Variants in LRRC4C observed in about 807,000 individuals in gnomAD.
LRRC4C encodes the protein leucine-rich repeat-containing protein 4C.
A neutral mutation model predicts 33.6 loss-of-function variants in LRRC4C; 5 were observed. That is an observed-to-expected ratio of 0.15 (90% CI 0.08 to 0.31). The LOEUF (loss-of-function observed/expected upper bound fraction) is 0.31, where lower values mean the gene tolerates loss of function less well. Ranked by LOEUF, LRRC4C falls within the 10% of genes least tolerant of loss-of-function variation. LRRC4C has a pLI of 1.00. For missense variants in LRRC4C, 560 were observed against 796.7 expected (o/e 0.70, Z 3.58); for synonymous variants, 329 against 302.0 (o/e 1.09, Z -0.93).
chr11:40,249,433 A>T (rs954350036), intron 4 of LRRC4C, among the ~76,000 whole-genome samples: 1 of 152,108 alleles, frequency 6.6e-6, no homozygotes, highest in Non-Finnish European at 1.5e-5. Context: ...CACTGAATTC[A>T]TACTTCATCC....
Position 40,821,702 on chromosome 11 carries a change from G to C in LRRC4C, c.-407+111933C>G, listed in dbSNP as rs1211565957. Among the ~76,000 whole-genome samples, 21 of 151,408 alleles carry C rather than the reference G, an allele frequency of 1.4e-4. No individual in the cohort carries two copies. The Admixed American group carries it at 1.4e-3, about 10-fold the overall frequency. On this transcript the variant is annotated intron_variant, in intron 2 of 6. Transcript: ENST00000528697. The stretch of plus-strand genomic sequence containing the variant: ...CACCAGCATTTTCAAACAAGATCAT[G>C]AAAAATAAGGAAAGACTAAAAAACT...
chr11:40,952,394 G>A (rs1958735412), intron 1 of LRRC4C, among the ~76,000 whole-genome samples: 1 of 151,802 alleles, frequency 6.6e-6, no homozygotes, highest in South Asian at 2.1e-4. Flanking sequence ...ATTTTATACT[G>A]AACATTTTCT....
At chr11:40,944,037 G>A (rs754848111) in intron 1 of LRRC4C, among the ~76,000 whole-genome samples, 2 of 151,990 alleles carry the variant, frequency 1.3e-5, no homozygotes, top group Non-Finnish European at 2.9e-5. Context: ...AAATACGGAC[G>A]GTAAATACAC....
At chr11:41,265,167 A>C (rs1565530496) in intron 1 of LRRC4C, among the ~76,000 whole-genome samples, 1 of 152,168 alleles carries the variant, frequency 6.6e-6, no homozygotes, top group Non-Finnish European at 1.5e-5. Flanking sequence ...CATTATTTTA[A>C]TGGCTAGCAT....
intron 3 of LRRC4C, among the ~76,000 whole-genome samples, chr11:40,354,070 G>A (rs995881381): frequency 6.6e-6 from 1 of 152,162 alleles, no homozygotes; most frequent in African/African-American, 2.4e-5. Context: ...ATCTGCATAA[G>A]GGGACATCCT....
chr11:41,389,308 A>G (rs570231044), intron 1 of LRRC4C, among the ~76,000 whole-genome samples: 3 of 151,986 alleles, frequency 2.0e-5, no homozygotes, highest in Admixed American at 6.6e-5. Context: ...CAAGAGTTAA[A>G]GGCTAGTATG....
At chr11:41,092,382 C>A (rs1183726459) in intron 1 of LRRC4C, among the ~76,000 whole-genome samples, 1 of 152,144 alleles carries the variant, frequency 6.6e-6, no homozygotes, top group Non-Finnish European at 1.5e-5. Flanking sequence ...TGCTCTATGC[C>A]ACAGGCACTT....
intron 3 of LRRC4C, among the ~76,000 whole-genome samples, chr11:40,507,710 A>G (rs1955101121): frequency 6.6e-6 from 1 of 151,720 alleles, no homozygotes; most frequent in South Asian, 2.1e-4. Context: ...AGAAAAACAT[A>G]AATCTTCATT....
At chr11:41,296,008 A>C (rs1238747573) in intron 1 of LRRC4C, among the ~76,000 whole-genome samples, 2 of 152,208 alleles carry the variant, frequency 1.3e-5, no homozygotes, top group African/African-American at 4.8e-5. Context: ...GAGTAAATAA[A>C]ATCCCATGTT....
At chr11:40,889,717 T>A (rs117475941) in intron 2 of LRRC4C, among the ~76,000 whole-genome samples, 5,170 of 152,240 alleles carry the variant, frequency 0.034, 164 homozygotes, top group South Asian at 0.14. Context: ...GTAGCAACAC[T>A]GTGCTATTTT....
At chr11:40,468,176 C>G (rs1952747619) in intron 3 of LRRC4C, among the ~76,000 whole-genome samples, 1 of 152,062 alleles carries the variant, frequency 6.6e-6, no homozygotes, top group Non-Finnish European at 1.5e-5. Flanking sequence ...TCCAGAGAAA[C>G]AGAACCAGTA....
intron 3 of LRRC4C, among the ~76,000 whole-genome samples, chr11:40,603,180 T>G (rs1156433417): frequency 6.6e-6 from 1 of 152,158 alleles, no homozygotes; most frequent in Non-Finnish European, 1.5e-5. Context: ...ACCAAATGTG[T>G]AATTATGGTA....
At chr11:41,424,059 T>G (rs1264200737) in intron 1 of LRRC4C, 1 of 152,112 alleles carries the variant, frequency 6.6e-6, no homozygotes, top group Non-Finnish European at 1.5e-5. Flanking sequence ...ACCAGACTAA[T>G]ACAGTCTCAC....
intron 1 of LRRC4C, among the ~76,000 whole-genome samples, chr11:41,260,232 G>T (rs1036611955): frequency 6.6e-6 from 1 of 151,932 alleles, no homozygotes. Flanking sequence ...CCTGTTTCTA[G>T]ATCCTACAAT....
At chr11:40,848,981 TG>T (rs996485342) in intron 2 of LRRC4C, among the ~76,000 whole-genome samples, 6 of 152,212 alleles carry the variant, frequency 3.9e-5, no homozygotes, top group Admixed American at 3.9e-4. Flanking sequence ...TGCTTCTTTT[TG>T]CTTTCCATTT....
At chr11:40,600,374 A>T (rs1239978807) in intron 3 of LRRC4C, among the ~76,000 whole-genome samples, 1 of 152,220 alleles carries the variant, frequency 6.6e-6, no homozygotes, top group East Asian at 1.9e-4. Flanking sequence ...AAAGTAACAA[A>T]TGAATTGTAG....
At chr11:41,143,750 C>A (rs1943613187) in intron 1 of LRRC4C, among the ~76,000 whole-genome samples, 1 of 152,078 alleles carries the variant, frequency 6.6e-6, no homozygotes, top group Non-Finnish European at 1.5e-5. Context: ...GGCATGGGGC[C>A]ATCATAATTC....
intron 2 of LRRC4C, among the ~76,000 whole-genome samples, chr11:40,752,273 T>G (rs1429924986): frequency 2.0e-5 from 3 of 152,060 alleles, no homozygotes; most frequent in African/African-American, 7.2e-5. Context: ...AAAAAGATTC[T>G]ACACAGCAAA....
chr11:41,410,201 A>G (rs539425363), intron 1 of LRRC4C, among the ~76,000 whole-genome samples: 2 of 152,258 alleles, frequency 1.3e-5, no homozygotes, highest in East Asian at 3.9e-4. Context: ...GCTCTTACTG[A>G]TTATAACAAT....
Sources: allele counts gnomAD v4.1 joint callset (sites outside exome capture counted in the v4.1 genomes callset), GRCh38; gene constraint gnomAD v4.1.1; transcripts MANE v1.5; gene names NCBI Gene and HGNC (gene_info 2026-07-23, HGNC 2026-07-21).